GTF2F2: variants seen among roughly 807,000 people sequenced by gnomAD.
GTF2F2 encodes the protein ATP-dependent helicase GTF2F2.
GTF2F2 carries 23 observed loss-of-function variants against 42.2 expected under a neutral mutation model. That is an observed-to-expected ratio of 0.55 (90% CI 0.39 to 0.77). The LOEUF is 0.77. Ranked by LOEUF, GTF2F2 falls within the 30% of genes least tolerant of loss-of-function variation. The pLI is 0.00. For synonymous variants in GTF2F2, 105 were observed against 100.8 expected, an observed-to-expected ratio of 1.04 and a Z score of -0.25; for missense variants, 261 against 287.2, an observed-to-expected ratio of 0.91 and a Z score of 0.66.
In GTF2F2 at chr13:45,216,872, T is replaced by C. The variant is rs115260318; in HGVS notation, c.386+9367T>C. 6.0e-3 allele frequency among the ~76,000 whole-genome samples: 909 copies of C among 152,188 alleles called. 11 individuals carry two copies. The highest frequency in any genetic ancestry group is 0.021 in the African/African-American group (876 of 41,518). ...GAACAGGAATTTCCTTGTGGGGGTCTGACCTCATCTTATTCTGCTGCCATT... is the reference window on the plus strand; with the variant it reads ...GAACAGGAATTTCCTTGTGGGGGTCCGACCTCATCTTATTCTGCTGCCATT... On this transcript the variant is annotated intron_variant, in intron 5 of 7. Coordinates refer to ENST00000340473, the MANE Select transcript of GTF2F2 (RefSeq NM_004128.3).
chr13:45,121,996 T>C (rs985986673), intron 1 of GTF2F2, among the ~76,000 whole-genome samples: 6 of 152,102 alleles, frequency 3.9e-5, no homozygotes, highest in Admixed American at 2.0e-4. Flanking sequence ...GCATGGTAAA[T>C]GCTCAATGTT....
intron 5 of GTF2F2, among the ~76,000 whole-genome samples, chr13:45,244,567 C>T (rs1040729365): frequency 2.0e-5 from 3 of 152,116 alleles, no homozygotes; most frequent in African/African-American, 7.2e-5. Flanking sequence ...AATAGAAAGA[C>T]TAGTAATTCA....
intron 5 of GTF2F2, among the ~76,000 whole-genome samples, chr13:45,210,241 A>T (rs1873577889): frequency 6.6e-6 from 1 of 152,018 alleles, no homozygotes; most frequent in African/African-American, 2.4e-5. Flanking sequence ...CCTTCTTGCC[A>T]TCCTCATCTT....
chr13:45,197,013 C>T (rs1449330097), intron 4 of GTF2F2, among the ~76,000 whole-genome samples: 2 of 151,816 alleles, frequency 1.3e-5, no homozygotes, highest in South Asian at 2.1e-4. Flanking sequence ...CATCTTGTGC[C>T]TCTTCTCCTT....
intron 4 of GTF2F2, among the ~76,000 whole-genome samples, chr13:45,191,353 CCTA>C (rs2138169654): frequency 6.7e-6 from 1 of 148,196 alleles, no homozygotes; most frequent in South Asian, 2.1e-4. Flanking sequence ...ACTATAGTAA[CCTA>C]CTTTTTTATT....
intron 4 of GTF2F2, among the ~76,000 whole-genome samples, chr13:45,203,397 T>G (rs1207605107): frequency 1.3e-5 from 2 of 152,058 alleles, no homozygotes; most frequent in African/African-American, 4.8e-5. Context: ...ATGATTTAGT[T>G]TAGATTTTCG....
At chr13:45,276,554 A>G (rs1160006671) in intron 7 of GTF2F2, among the ~76,000 whole-genome samples, 4 of 151,598 alleles carry the variant, frequency 2.6e-5, no homozygotes, top group Non-Finnish European at 5.9e-5. Flanking sequence ...CTCCTGCCTC[A>G]GCTTCCCAAG....
intron 4 of GTF2F2, among the ~76,000 whole-genome samples, chr13:45,178,257 T>G (rs1218653434): frequency 6.6e-6 from 1 of 151,944 alleles, no homozygotes; most frequent in Admixed American, 6.6e-5. Flanking sequence ...GGAAAATTTA[T>G]TTTTCCTATA....
At chr13:45,152,225 T>C (rs918652297) in intron 4 of GTF2F2, among the ~76,000 whole-genome samples, 1 of 152,132 alleles carries the variant, frequency 6.6e-6, no homozygotes, top group African/African-American at 2.4e-5. Context: ...TCCTGTTTGC[T>C]TTTTTAAGGT....
intron 5 of GTF2F2, among the ~76,000 whole-genome samples, chr13:45,238,766 G>T (rs916544027): frequency 5.9e-5 from 9 of 152,094 alleles, no homozygotes; most frequent in East Asian, 1.9e-4. Context: ...CCAACATGGA[G>T]AAACCTCGTC....
chr13:45,221,571 C>T (rs566035239), intron 5 of GTF2F2, among the ~76,000 whole-genome samples: 12 of 151,588 alleles, frequency 7.9e-5, no homozygotes, highest in Non-Finnish European at 1.8e-4. Context: ...CAAGTGGGGT[C>T]CCAGTATGAC....
At chr13:45,159,746 T>C (rs1352291833) in intron 4 of GTF2F2, among the ~76,000 whole-genome samples, 1 of 152,232 alleles carries the variant, frequency 6.6e-6, no homozygotes, top group Non-Finnish European at 1.5e-5. Flanking sequence ...GTTCTGGGAT[T>C]ACAAGCGTTG....
At chr13:45,262,639 G>A (rs1028095175) in intron 6 of GTF2F2, among the ~76,000 whole-genome samples, 1 of 151,858 alleles carries the variant, frequency 6.6e-6, no homozygotes, top group South Asian at 2.1e-4. Context: ...GGCTGGTCTC[G>A]AACTCCTAAG....
At chr13:45,255,518 A>C (rs971683426) in intron 6 of GTF2F2, among the ~76,000 whole-genome samples, 14 of 152,334 alleles carry the variant, frequency 9.2e-5, no homozygotes, top group Middle Eastern at 6.8e-3. Flanking sequence ...AAATAAACTA[A>C]AGGACAGGTA....
At chr13:45,168,166 T>C (rs576015616) in intron 4 of GTF2F2, among the ~76,000 whole-genome samples, 2 of 152,352 alleles carry the variant, frequency 1.3e-5, no homozygotes, top group Admixed American at 1.3e-4. Flanking sequence ...GATGTGTCTT[T>C]ACATTCACAA....
At chr13:45,260,136 T>C (rs1324755710) in intron 6 of GTF2F2, among the ~76,000 whole-genome samples, 2 of 152,218 alleles carry the variant, frequency 1.3e-5, no homozygotes, top group Non-Finnish European at 2.9e-5. Flanking sequence ...TTCATTTTTA[T>C]GCATATATGC....
chr13:45,200,905 T>A (rs1237075007), intron 4 of GTF2F2, among the ~76,000 whole-genome samples: 1 of 151,968 alleles, frequency 6.6e-6, no homozygotes, highest in Non-Finnish European at 1.5e-5. Flanking sequence ...GTCAGGAGAG[T>A]AAGGAGAGTA....
chr13:45,242,555 A>G (rs1875371541), intron 5 of GTF2F2, among the ~76,000 whole-genome samples: 1 of 152,210 alleles, frequency 6.6e-6, no homozygotes, highest in Admixed American at 6.5e-5. Flanking sequence ...TGACTTCTAC[A>G]TTGACAGTTG....
rs1264236560 is a variant in GTF2F2 at position 45,192,186 on chromosome 13, G to T, written c.305-15238G>T. Among the ~76,000 whole-genome samples the T allele has an allele frequency of 2.6e-5, 4 of 152,052 alleles. No homozygotes were observed. In the East Asian group the frequency reaches 7.7e-4, roughly 29 times the overall value. On this transcript the variant is annotated intron_variant, in intron 4 of 7. Transcript: ENST00000340473. ...TCTTGATTAAGCTGTTTTAAAGTATGTAAAAGATAATGTTTTAGTAGAAAT... is the reference window on the plus strand; with the variant it reads ...TCTTGATTAAGCTGTTTTAAAGTATTTAAAAGATAATGTTTTAGTAGAAAT...
Sources: gnomAD v4.1 joint callset for allele counts (sites outside exome capture counted in the v4.1 genomes callset) on GRCh38, gnomAD v4.1.1 for gene constraint, MANE v1.5 for transcripts, NCBI Gene and HGNC (gene_info 2026-07-23, HGNC 2026-07-21) for gene names.